TMC1: variants seen among roughly 807,000 people sequenced by gnomAD.
TMC1 encodes transmembrane channel-like protein 1.
TMC1 carries 84 observed loss-of-function variants against 105.8 expected under a neutral mutation model. The ratio of observed to expected loss-of-function variants is 0.79; its 90% confidence interval spans 0.67 to 0.95. The LOEUF is 0.95. TMC1 is among the 40% of genes least tolerant of loss of function. The pLI, the probability that TMC1 is intolerant of heterozygous loss-of-function variation, is 0.00. For missense variants in TMC1, 817 were observed against 914.1 expected, an observed-to-expected ratio of 0.89 and a Z score of 1.37; for synonymous variants, 315 against 311.5, an observed-to-expected ratio of 1.01 and a Z score of -0.12.
chr9:72,562,657 C>T (rs538814966), intron 1 of TMC1, among the ~76,000 whole-genome samples: 2 of 152,220 alleles, frequency 1.3e-5, no homozygotes, highest in Admixed American at 1.3e-4. Context: ...TTATCCCATA[C>T]ATATATACAA....
chr9:72,811,143 TA>T (rs577637642), intron 18 of TMC1, among the ~76,000 whole-genome samples: 67 of 152,238 alleles, frequency 4.4e-4, no homozygotes, highest in African/African-American at 1.6e-3. Context: ...AGCCAGAGAA[TA>T]ATAAGGACAA....
chr9:72,636,665 G>C lies in TMC1; in HGVS notation c.-53+8602G>C, dbSNP rs75683582. On this transcript the variant is annotated intron_variant, in intron 4 of 23. Transcript: ENST00000297784. ...GGAGGTTGCAGAGAGCCAAGATTGC[G>C]CCACTGCACTCCAGCCTGGGTGACA... Among the ~76,000 whole-genome samples the C allele has an allele frequency of 1.1e-4, 15 of 132,052 alleles. No homozygotes were observed. In the East Asian group the frequency reaches 1.6e-3, roughly 14 times the overall value. The allele number at this position is 132,052 out of a possible 152,430, so 86.6% of individuals were successfully genotyped here.
chr9:72,581,219 C>T (rs1824468872), intron 2 of TMC1, among the ~76,000 whole-genome samples: 1 of 152,198 alleles, frequency 6.6e-6, no homozygotes, highest in African/African-American at 2.4e-5. Context: ...TCACCCTTAA[C>T]TAGCATAAGG....
chr9:72,648,692 G>C, intron 5 of TMC1, 28 bp downstream of exon 5: 1 of 1,596,400 alleles, frequency 6.3e-7, no homozygotes, highest in Non-Finnish European at 8.6e-7. Context: ...ACTGTCTGTA[G>C]GACACTATGT....
intron 10 of TMC1, 51 bp downstream of exon 10, chr9:72,742,576 T>G (rs1167487286): frequency 1.4e-6 from 2 of 1,454,332 alleles, no homozygotes; most frequent in African/African-American, 2.8e-5. Context: ...GAGAAGTATC[T>G]CATAAGCTTA....
At chr9:72,654,716 A>G (rs1041600822) in intron 5 of TMC1, among the ~76,000 whole-genome samples, 3 of 152,058 alleles carry the variant, frequency 2.0e-5, no homozygotes, top group Non-Finnish European at 4.4e-5. Flanking sequence ...TTTAAATATT[A>G]AATTCTTTAA....
chr9:72,558,791 T>C (rs1216363734), intron 1 of TMC1, among the ~76,000 whole-genome samples: 1 of 152,180 alleles, frequency 6.6e-6, no homozygotes, highest in African/African-American at 2.4e-5. Flanking sequence ...CCTGTATCCT[T>C]TGAGGAATCT....
At chr9:72,821,502 C>CA (rs35069464) in intron 20 of TMC1, among the ~76,000 whole-genome samples, 10,936 of 105,402 alleles carry the variant, frequency 0.1, 512 homozygotes, top group African/African-American at 0.17. Context: ...AACTCTGTCT[C>CA]AAAAAAAAAA....
At chr9:72,835,824 C>A in intron 23 of TMC1, 127 bp from the exon 24 acceptor site, 1 of 996,006 alleles carries the variant, frequency 1.0e-6, no homozygotes, top group Non-Finnish European at 1.5e-6. Flanking sequence ...TTGGACAATA[C>A]AGATTTCTGG....
chr9:72,554,542 T>C (rs551092613), intron 1 of TMC1, among the ~76,000 whole-genome samples: 42 of 152,340 alleles, frequency 2.8e-4, no homozygotes, highest in African/African-American at 9.6e-4. Flanking sequence ...TCCTGGTTTC[T>C]AGCTTGACCT....
rs147407023 is a variant in TMC1, at chr9:72,745,993, A to C, written c.535+3468A>C. On this transcript the variant is annotated intron_variant, in intron 10 of 23. Transcript: ENST00000297784. ...TGTAGGCATGTGAAATTCATTAATC[A>C]TACTTTTGATTGATAAATCCTCAAA... 5.4e-3 allele frequency among the ~76,000 whole-genome samples: 816 copies of C among 152,336 alleles called. 5 individuals are homozygous for C. Among genetic ancestry groups the C allele is most frequent in the African/African-American group, 0.019 (782 of 41,578 alleles).
intron 5 of TMC1, among the ~76,000 whole-genome samples, chr9:72,650,901 T>TATATATATATATATATAA (rs1825800851): frequency 1.4e-5 from 2 of 142,542 alleles, no homozygotes; most frequent in Non-Finnish European, 3.1e-5. Flanking sequence ...GATATATATA[T>TATATATATATATATATAA]AAATATATAT....
At chr9:72,701,051 C>T (rs962870276) in intron 8 of TMC1, among the ~76,000 whole-genome samples, 1 of 151,952 alleles carries the variant, frequency 6.6e-6, no homozygotes, top group Non-Finnish European at 1.5e-5. Context: ...TAGCTTAATA[C>T]ATTTGTTACC....
At chr9:72,720,562 A>G (rs1827004474) in intron 8 of TMC1, among the ~76,000 whole-genome samples, 2 of 152,198 alleles carry the variant, frequency 1.3e-5, no homozygotes, top group African/African-American at 4.8e-5. Context: ...TACTTGGGCC[A>G]ATGATAGGTA....
In TMC1 at chr9:72,745,854, C is replaced by T. The variant is rs57980015; in HGVS notation, c.535+3329C>T. ...GTTGAAATCTCTGGTTCTGTTTCCACATTTGGGGCTACTACAATATCTACA... is the reference window on the plus strand; with the variant it reads ...GTTGAAATCTCTGGTTCTGTTTCCATATTTGGGGCTACTACAATATCTACA... On this transcript the variant is annotated intron_variant, in intron 10 of 23. Transcript: ENST00000297784. Among the ~76,000 whole-genome samples, 340 of 152,262 alleles carry T rather than the reference C, an allele frequency of 2.2e-3. 3 individuals are homozygous for T. Among genetic ancestry groups the T allele is most frequent in the African/African-American group, 7.9e-3 (328 of 41,568 alleles).
At chr9:72,829,245 A>G (rs77585012) in intron 21 of TMC1, among the ~76,000 whole-genome samples, 2,201 of 152,310 alleles carry the variant, frequency 0.014, 57 homozygotes, top group African/African-American at 0.049. Context: ...ATTTCCCCCA[A>G]TGGATTATAT....
At chr9:72,758,339 G>A (rs72733061) in intron 12 of TMC1, among the ~76,000 whole-genome samples, 13,814 of 152,168 alleles carry the variant, frequency 0.091, 798 homozygotes, top group Non-Finnish European at 0.14. Flanking sequence ...ACATCAATAA[G>A]AGAGAGGGAA....
At chr9:72,824,519 G>C (rs1031990064) in intron 20 of TMC1, among the ~76,000 whole-genome samples, 2 of 152,180 alleles carry the variant, frequency 1.3e-5, no homozygotes, top group African/African-American at 4.8e-5. Flanking sequence ...AGTTGGAGAG[G>C]GGCCAGGAAG....
chr9:72,792,623 T>C lies in TMC1; in HGVS notation c.1566+271T>C, dbSNP rs1828293991. Among the ~76,000 whole-genome samples the C allele has an allele frequency of 2.0e-5, 3 of 152,206 alleles. 1 individual carries two copies. In the South Asian group the frequency reaches 6.2e-4, roughly 31 times the overall value. ...AAATGGTGCAAAGAGATGTTTACTATCTGTATTATAATAAAGCACTCGATT... is the reference window on the plus strand; with the variant it reads ...AAATGGTGCAAAGAGATGTTTACTACCTGTATTATAATAAAGCACTCGATT... On this transcript the variant is annotated intron_variant, in intron 17 of 23. Transcript: ENST00000297784.
Sources: allele counts gnomAD v4.1 joint callset (sites outside exome capture counted in the v4.1 genomes callset), GRCh38; gene constraint gnomAD v4.1.1; transcripts MANE v1.5; gene names NCBI Gene and HGNC (gene_info 2026-07-23, HGNC 2026-07-21).